MAFG: variants seen among roughly 807,000 people sequenced by gnomAD.
The protein encoded by MAFG is transcription factor MafG.
A neutral mutation model predicts 12.2 loss-of-function variants in MAFG; 3 were observed. The ratio of observed to expected loss-of-function variants is 0.25; its 90% CI spans 0.11 to 0.64. The LOEUF is 0.64. MAFG is among the 30% of genes least tolerant of loss of function. The probability of loss-of-function intolerance (pLI) is 0.85; values close to 1 mark genes in which losing one functional copy is unlikely to be tolerated. For missense variants in MAFG, 153 were observed against 235.5 expected (o/e 0.65, Z 2.29); for synonymous variants, 126 against 109.1 (o/e 1.15, Z -0.96).
rs1197568022 is a variant in MAFG at position 81,924,744 on chromosome 17, T to C, written c.-29-1530A>G. Among the ~76,000 whole-genome samples, 2 of 152,172 alleles carry C rather than the reference T, an allele frequency of 1.3e-5. No individual in the cohort carries two copies. The highest frequency in any genetic ancestry group is 2.9e-5 in the Non-Finnish European group (2 of 68,014). On this transcript the variant is annotated intron_variant, in intron 1 of 2. Transcript: ENST00000357736. The surrounding 1 kb of genome is among the most constrained non-coding windows in gnomAD (Gnocchi z 4.7). Reference sequence around the variant, plus strand: ...GAGGTCAGAAGGCCCACAGGAGCCCTTTCCTACACGTCCGGCACAACACTG... The same window carrying C: ...GAGGTCAGAAGGCCCACAGGAGCCCCTTCCTACACGTCCGGCACAACACTG...
chr17:81,929,904 ACC>A (rs1218957452), upstream of MAFG: 1 of 138,106 alleles, frequency 7.2e-6, no homozygotes, highest in Non-Finnish European at 1.5e-5. The surrounding 1 kb of genome is among the most constrained non-coding windows in gnomAD (Gnocchi z 5.7). Flanking sequence ...CCTCCCGGGC[ACC>A]CTCCCGCCCC....
upstream of MAFG, chr17:81,930,428 G>A (rs1342281418): frequency 6.6e-6 from 1 of 152,074 alleles, no homozygotes; most frequent in Non-Finnish European, 1.5e-5. This position sits in a 1 kb window ranked among gnomAD's most constrained non-coding sequence, Gnocchi z 4.1. Flanking sequence ...CACTTTGGGA[G>A]GCAGTGGGAG....
chr17:81,921,189 AG>A lies in MAFG; in HGVS notation c.*1415del. 6.6e-6 allele frequency: 1 copy of A among 152,388 alleles called. No homozygotes were observed. The highest frequency in any genetic ancestry group is 1.5e-5 in the Non-Finnish European group (1 of 68,084). The allele number at this position is 152,388 out of a possible 1,614,324, so 9.4% of individuals were successfully genotyped here. A position where few individuals can be genotyped will look rare whatever the true frequency, so the allele number is the denominator to read the frequency against. On this transcript the variant is annotated 3_prime_UTR_variant, in exon 3 of 3. Transcript: ENST00000357736. ...CACAGATGTAGCCAAGGCTCAGTGG[AG>A]GGGGGCATGACAGAACCCCATGTCT... is the stretch of plus-strand genomic sequence containing the variant.
rs1207414343 is a variant in MAFG at position 81,924,645 on chromosome 17, C to G, written c.-29-1431G>C. 6.6e-6 allele frequency: 1 copy of G among 152,298 alleles called. No homozygotes were observed. Among genetic ancestry groups the G allele is most frequent in the Non-Finnish European group, 1.5e-5 (1 of 68,126 alleles). The allele number at this position is 152,298 out of a possible 1,614,324, so 9.4% of individuals were successfully genotyped here. On this transcript the variant is annotated intron_variant, in intron 1 of 2. Transcript: ENST00000357736. This position sits in a 1 kb window ranked among gnomAD's most constrained non-coding sequence, Gnocchi z 4.7. ...CCAGAGACCCCTCCCCACAGCCAAG[C>G]CAGCTCAGAGGCAAGGTCCCGAGGC...
upstream of MAFG, chr17:81,928,192 T>A (rs1034581001): frequency 6.6e-6 from 1 of 152,176 alleles, no homozygotes; most frequent in African/African-American, 2.4e-5. This position sits in a 1 kb window ranked among gnomAD's most constrained non-coding sequence, Gnocchi z 8.1. Flanking sequence ...GGGGACGGCC[T>A]GGCAGCTCCC....
chr17:81,919,784 G>C lies in MAFG; in HGVS notation c.*2821C>G, dbSNP rs962448744. On this transcript the variant is annotated 3_prime_UTR_variant, in exon 3 of 3. Coordinates refer to ENST00000357736, the MANE Select transcript of MAFG (RefSeq NM_002359.4). ...GTCAGGAAATCCAGGGGAAGGGGAAGAGGGGTGGAGTGGCTCCGCAGGGCT... is the reference window on the plus strand; with the variant it reads ...GTCAGGAAATCCAGGGGAAGGGGAACAGGGGTGGAGTGGCTCCGCAGGGCT... 5 of 152,426 alleles carry C rather than the reference G, an allele frequency of 3.3e-5. No homozygotes were observed. The highest frequency in any genetic ancestry group is 1.2e-4 in the African/African-American group (5 of 41,450). The allele number at this position is 152,426 out of a possible 1,614,324, so 9.4% of individuals were successfully genotyped here.
intron 1 of MAFG, 101 bp downstream of exon 1, chr17:81,927,427 G>A (rs2040950743): frequency 1.3e-5 from 2 of 149,940 alleles, no homozygotes; most frequent in South Asian, 3.6e-4. Context: ...CCAACCGCCC[G>A]CCTAGCTCCG....
Position 81,922,523 on chromosome 17 carries a change from G to A in MAFG, c.*82C>T. On this transcript the variant is annotated 3_prime_UTR_variant, in exon 3 of 3. Coordinates refer to ENST00000357736, the MANE Select transcript of MAFG (RefSeq NM_002359.4). ...GGGAAGAGAGGGAGGAAAGAGAAGAGAAGGAAACAGAGGGACAGGGCAGCC... is the reference window on the plus strand; with the variant it reads ...GGGAAGAGAGGGAGGAAAGAGAAGAAAAGGAAACAGAGGGACAGGGCAGCC... 9.2e-7 allele frequency: 1 copy of A among 1,088,702 alleles called. No individual in the cohort carries two copies. The highest frequency in any genetic ancestry group is 1.2e-6 in the Non-Finnish European group (1 of 800,380). The allele number at this position is 1,088,702 out of a possible 1,614,324, so 67.4% of individuals were successfully genotyped here. A position where few individuals can be genotyped will look rare whatever the true frequency, so the allele number is the denominator to read the frequency against.
chr17:81,924,051 G>C lies in MAFG; in HGVS notation c.-29-837C>G, dbSNP rs1193681840. 6.6e-6 allele frequency: 1 copy of C among 152,298 alleles called. No individual in the cohort carries two copies. The highest frequency in any genetic ancestry group is 1.5e-5 in the Non-Finnish European group (1 of 68,080). The allele number at this position is 152,298 out of a possible 1,614,324, so 9.4% of individuals were successfully genotyped here. On this transcript the variant is annotated intron_variant, in intron 1 of 2. Transcript: ENST00000357736. The surrounding 1 kb of genome is among the most constrained non-coding windows in gnomAD (Gnocchi z 4.7). ...CCAGTCGGCCTCCTCCACTGATGGA[G>C]TAACCATCCTGTGGCTTTGGGTTGC...
Sources: allele counts gnomAD v4.1 joint callset (sites outside exome capture counted in the v4.1 genomes callset), GRCh38; gene constraint gnomAD v4.1.1; non-coding constraint Gnocchi (gnomAD v3.1); transcripts MANE v1.5; gene names NCBI Gene and HGNC (gene_info 2026-07-23, HGNC 2026-07-21).